RYR3: variants seen among roughly 807,000 people sequenced by gnomAD.
The protein encoded by RYR3 is brain ryanodine receptor-calcium release channel.
In RYR3, 207 loss-of-function variants were observed where a neutral mutation model predicts 584.3. The ratio of observed to expected loss-of-function variants is 0.35; its 90% confidence interval spans 0.32 to 0.40. The LOEUF (loss-of-function observed/expected upper bound fraction) is 0.40. Ranked by LOEUF, RYR3 falls within the 10% of genes least tolerant of loss-of-function variation. The pLI, the probability that RYR3 is intolerant of heterozygous loss-of-function variation, is 1.00. For synonymous variants in RYR3, 2,416 were observed against 2,248.5 expected (o/e 1.07, Z -2.11); for missense variants, 5,616 against 6,089.2 (o/e 0.92, Z 2.59).
chr15:33,501,222 A>G (rs535112550), intron 2 of RYR3, among the ~76,000 whole-genome samples: 158 of 152,306 alleles, frequency 1.0e-3, no homozygotes, highest in African/African-American at 3.6e-3. Context: ...GACAGCTATA[A>G]TCATAGCATG....
chr15:33,623,040 T>C (rs1423199881), intron 19 of RYR3, among the ~76,000 whole-genome samples: 3 of 152,224 alleles, frequency 2.0e-5, no homozygotes, highest in Non-Finnish European at 4.4e-5. Flanking sequence ...AGACCTTTAG[T>C]GTCCTTCCCC....
intron 1 of RYR3, among the ~76,000 whole-genome samples, chr15:33,462,373 A>G (rs923161400): frequency 1.3e-5 from 2 of 152,214 alleles, no homozygotes; most frequent in African/African-American, 4.8e-5. Flanking sequence ...TTCTACAAAC[A>G]TTAAAGGGGA....
chr15:33,372,311 C>T (rs2040391510), intron 1 of RYR3, among the ~76,000 whole-genome samples: 2 of 151,568 alleles, frequency 1.3e-5, no homozygotes, highest in South Asian at 4.2e-4. Context: ...CCTGCCTCAG[C>T]CTTCTGAGTA....
intron 49 of RYR3, among the ~76,000 whole-genome samples, chr15:33,737,191 T>G (rs2069559035): frequency 6.6e-6 from 1 of 152,200 alleles, no homozygotes; most frequent in African/African-American, 2.4e-5. Flanking sequence ...GCTCCCGAGT[T>G]CAAGCAACCC....
chr15:33,768,624 G>A (rs777661977), intron 60 of RYR3, 34 bp from the exon 61 acceptor site: 11 of 1,607,884 alleles, frequency 6.8e-6, no homozygotes, highest in Non-Finnish European at 7.7e-6. Flanking sequence ...TTTAATCTCT[G>A]TGACTTTCTG....
At chr15:33,569,689 T>C (rs2057916557) in intron 12 of RYR3, among the ~76,000 whole-genome samples, 1 of 152,220 alleles carries the variant, frequency 6.6e-6, no homozygotes, top group African/African-American at 2.4e-5. Flanking sequence ...AAAGTGGATG[T>C]AACATTTTAC....
At chr15:33,391,097 A>G (rs1388674454) in intron 1 of RYR3, among the ~76,000 whole-genome samples, 1 of 152,116 alleles carries the variant, frequency 6.6e-6, no homozygotes, top group Non-Finnish European at 1.5e-5. Flanking sequence ...GATCCCTGAA[A>G]CAGTAAGAAA....
At chr15:33,535,959 C>T (rs116131393) in intron 5 of RYR3, among the ~76,000 whole-genome samples, 4 of 152,158 alleles carry the variant, frequency 2.6e-5, no homozygotes, top group Admixed American at 6.5e-5. Context: ...AACTAACTTA[C>T]GTTTGTTTTG....
intron 1 of RYR3, among the ~76,000 whole-genome samples, chr15:33,464,489 T>TATATATATATATACATACACACAC (rs1450450145): frequency 4.4e-5 from 3 of 67,452 alleles, no homozygotes; most frequent in African/African-American, 2.5e-4. Flanking sequence ...TATATATATA[T>TATATATATATATACATACACACAC]ACACATATAT....
chr15:33,473,111 A>G (rs897944668), intron 1 of RYR3, among the ~76,000 whole-genome samples: 4 of 152,048 alleles, frequency 2.6e-5, no homozygotes, highest in East Asian at 1.9e-4. Flanking sequence ...TATTTGCCCA[A>G]ATGTTGAAAT....
chr15:33,666,568 C>T (rs2063505152), intron 36 of RYR3, among the ~76,000 whole-genome samples: 1 of 152,092 alleles, frequency 6.6e-6, no homozygotes, highest in Non-Finnish European at 1.5e-5. Flanking sequence ...CAGAGAATAG[C>T]AATGCAAAAT....
chr15:33,357,090 G>A (rs1450334893), intron 1 of RYR3, among the ~76,000 whole-genome samples: 1 of 152,082 alleles, frequency 6.6e-6, no homozygotes, highest in Admixed American at 6.6e-5. Context: ...CTCTGACTTT[G>A]CTTTCCTACC....
chr15:33,736,141 G>T, intron 48 of RYR3, 94 bp from the exon 49 acceptor site: 1 of 763,542 alleles, frequency 1.3e-6, no homozygotes, highest in Non-Finnish European at 2.2e-6. Flanking sequence ...TTGAGGCTTG[G>T]CTGTAATATG....
intron 1 of RYR3, among the ~76,000 whole-genome samples, chr15:33,445,154 G>A (rs1248047848): frequency 3.3e-5 from 5 of 152,234 alleles, no homozygotes; most frequent in South Asian, 2.1e-4. Context: ...GAAGCAGGAA[G>A]GTGAGTTGAT....
intron 1 of RYR3, among the ~76,000 whole-genome samples, chr15:33,384,702 A>C (rs531309602): frequency 1.4e-4 from 21 of 151,896 alleles, no homozygotes; most frequent in Admixed American, 5.3e-4. Context: ...GAAAATATCT[A>C]AACTCTACTC....
At position 33,838,445 on chromosome 15, in the gene RYR3, C is replaced by T. The variant is rs754018046; in HGVS notation, c.12465C>T (p.Asp4155=). Residue 4155 remains aspartate, a synonymous_variant, in exon 89 of 104, where the codon GAC becomes GAT. Coordinates refer to ENST00000634891, the MANE Select transcript of RYR3 (RefSeq NM_001036.6). ...ACASVKRNVT[D]FLKRATLKNL... The stretch of plus-strand genomic sequence containing the variant: ...CCTCTGTGAAGAGGAATGTCACCGA[C>T]TTCCTGAAGAGAGCAACCCTGAAGA... 6.2e-7 allele frequency: 1 copy of T among 1,614,006 alleles called. No individual in the cohort carries two copies. The highest frequency in any genetic ancestry group is 1.1e-5 in the South Asian group (1 of 91,086).
chr15:33,779,157 C>T (rs2074221470), intron 64 of RYR3, among the ~76,000 whole-genome samples: 1 of 152,154 alleles, frequency 6.6e-6, no homozygotes, highest in Admixed American at 6.5e-5. Flanking sequence ...TTGCTGTCTG[C>T]AGATTCTATC....
Position 33,601,425 on chromosome 15 carries a change from G to A in RYR3, c.1795G>A (p.Asp599Asn), listed in dbSNP as rs1219549378. The change falls in exon 17 of 104, where the codon GAT becomes AAT. Residue 599 changes from aspartate (D) to asparagine (N), a missense_variant. By Grantham distance (23) the Asp-to-Asn change is conservative. Around this residue, in one of 9 missense-constraint regions of RYR3, gnomAD observed 1,284 missense variants for 1,344.6 expected, o/e 0.95. Transcript: ENST00000634891. ...TGGGTGTGTCCTGCTGCAGGTTCTG[G>A]ATATCCTGTGCTCCCTCTGTCTCTG... is the stretch of plus-strand genomic sequence containing the variant. ...DKHGRNHKVL[D>N]ILCSLCLCNG... 6.2e-7 allele frequency: 1 copy of A among 1,612,268 alleles called. No individual in the cohort carries two copies. The highest frequency in any genetic ancestry group is 1.3e-5 in the African/African-American group (1 of 74,860).
At chr15:33,535,747 G>A (rs551539349) in intron 5 of RYR3, among the ~76,000 whole-genome samples, 8 of 152,238 alleles carry the variant, frequency 5.3e-5, no homozygotes, top group Non-Finnish European at 1.2e-4. Flanking sequence ...TAAAAATAAA[G>A]GGAAACAACA....
Sources: gnomAD v4.1 joint callset for allele counts (sites outside exome capture counted in the v4.1 genomes callset) on GRCh38, gnomAD v4.1.1 for gene constraint, gnomAD v4.1.1 regional missense constraint, MANE v1.5 for transcripts, NCBI Gene and HGNC (gene_info 2026-07-23, HGNC 2026-07-21) for gene names.